Variants in ACTN1 observed in about 807,000 individuals in gnomAD.
ACTN1 encodes the protein alpha-actinin-1.
ACTN1 carries 30 observed loss-of-function variants against 119.6 expected under a neutral mutation model. That is an observed-to-expected ratio of 0.25 (90% CI 0.19 to 0.34). The LOEUF is 0.34. Ranked by LOEUF, ACTN1 falls within the 10% of genes least tolerant of loss-of-function variation. ACTN1 has a pLI of 1.00. For missense variants in ACTN1, 764 were observed against 1,223.4 expected, an observed-to-expected ratio of 0.62 and a Z score of 5.60; for synonymous variants, 429 against 472.6, an observed-to-expected ratio of 0.91 and a Z score of 1.20.
intron 1 of ACTN1, among the ~76,000 whole-genome samples, chr14:68,959,520 T>C (rs1035382842): frequency 2.6e-5 from 4 of 152,236 alleles, no homozygotes; most frequent in Admixed American, 1.3e-4. Flanking sequence ...TTCCAAGTTC[T>C]CTTTTTGCTT....
chr14:68,978,281 C>T (rs1248451309), intron 1 of ACTN1: 4 of 453,018 alleles, frequency 8.8e-6, no homozygotes, highest in African/African-American at 2.0e-5. Flanking sequence ...GCTTCCAACC[C>T]ACTGAGTTAA....
chr14:68,923,442 G>A (rs954986221), intron 2 of ACTN1, among the ~76,000 whole-genome samples: 4 of 152,106 alleles, frequency 2.6e-5, no homozygotes, highest in Non-Finnish European at 5.9e-5. Context: ...TTTGAAGAAT[G>A]ATAAATTGTA....
At position 68,902,470 on chromosome 14, in the gene ACTN1, C is replaced by G. The variant is rs762606594; in HGVS notation, c.762+7G>C. Reference sequence around the variant, plus strand: ...TGGGCATGGAAGGAGCAGGGGGCCCCGGGTACCTTCTGGGCTCCAGAGAAG... The same window carrying G: ...TGGGCATGGAAGGAGCAGGGGGCCCGGGGTACCTTCTGGGCTCCAGAGAAG... On this transcript the variant is annotated splice_region_variant and intron_variant, in intron 8 of 21. Transcript: ENST00000394419. 10 of 1,613,232 alleles carry G rather than the reference C, an allele frequency of 6.2e-6. No homozygotes were observed. The highest frequency in any genetic ancestry group is 8.5e-6 in the Non-Finnish European group (10 of 1,179,532).
intron 8 of ACTN1, among the ~76,000 whole-genome samples, chr14:68,896,454 G>A (rs1006138572): frequency 3.3e-5 from 5 of 152,172 alleles, no homozygotes; most frequent in African/African-American, 9.7e-5. Context: ...AGGAAAGGCC[G>A]CTGGGGGTGA....
intron 6 of ACTN1, among the ~76,000 whole-genome samples, chr14:68,907,193 C>T (rs150297415): frequency 0.055 from 7,690 of 139,616 alleles, 255 homozygotes; most frequent in African/African-American, 0.071. Flanking sequence ...ACCTGGGAGG[C>T]GGAGGTTGCA....
intron 1 of ACTN1, among the ~76,000 whole-genome samples, chr14:68,937,925 G>A (rs1448801549): frequency 6.6e-6 from 1 of 152,276 alleles, no homozygotes; most frequent in African/African-American, 2.4e-5. Context: ...GTCCTCTGCA[G>A]CATCCACTGA....
intron 1 of ACTN1, among the ~76,000 whole-genome samples, chr14:68,937,222 G>C (rs2035571150): frequency 6.6e-6 from 1 of 151,358 alleles, no homozygotes; most frequent in Non-Finnish European, 1.5e-5. Context: ...GATCAATAAA[G>C]TTAGTGGTTT....
chr14:68,966,665 TGAGGCCCCACAG>T (rs1310517658), intron 1 of ACTN1, among the ~76,000 whole-genome samples: 4 of 151,960 alleles, frequency 2.6e-5, no homozygotes, highest in Non-Finnish European at 5.9e-5. Context: ...AAAGCTTTGC[TGAGGCCCCACAG>T]TTATCTAGAT....
intron 1 of ACTN1, among the ~76,000 whole-genome samples, chr14:68,946,043 C>T (rs930273786): frequency 6.6e-6 from 1 of 152,186 alleles, no homozygotes; most frequent in Non-Finnish European, 1.5e-5. Flanking sequence ...CAGAATTCCA[C>T]CCGCGGTGGC....
intron 1 of ACTN1, among the ~76,000 whole-genome samples, chr14:68,966,139 C>T (rs55820678): frequency 4.3e-4 from 65 of 152,240 alleles, no homozygotes; most frequent in Admixed American, 9.8e-4. Flanking sequence ...CTCAATTGAG[C>T]CCAGGAGGTA....
At chr14:68,933,811 A>G (rs2035350866) in intron 1 of ACTN1, among the ~76,000 whole-genome samples, 1 of 151,952 alleles carries the variant, frequency 6.6e-6, no homozygotes, top group Non-Finnish European at 1.5e-5. Context: ...ATCTCTACAG[A>G]AAAAATCAAA....
At position 68,878,840 on chromosome 14, in the gene ACTN1, G is replaced by A. The variant is rs1322303790; in HGVS notation, c.2361+149C>T. 3 of 1,595,238 alleles carry A rather than the reference G, an allele frequency of 1.9e-6. No individual in the cohort carries two copies. Among genetic ancestry groups the A allele is most frequent in the Non-Finnish European group, 1.7e-6 (2 of 1,177,924 alleles). ...GAGGGCAGAGGGTGGACCAGTGATGGGGCAGACAGAGACAGCAGGAGAGGA... is the reference window on the plus strand; with the variant it reads ...GAGGGCAGAGGGTGGACCAGTGATGAGGCAGACAGAGACAGCAGGAGAGGA... On this transcript the variant is annotated intron_variant, in intron 19 of 21. Transcript: ENST00000394419. This position sits in a 1 kb window ranked among gnomAD's most constrained non-coding sequence, Gnocchi z 4.4.
chr14:68,943,154 C>T (rs1285781227), intron 1 of ACTN1, among the ~76,000 whole-genome samples: 5 of 152,134 alleles, frequency 3.3e-5, no homozygotes, highest in Non-Finnish European at 5.9e-5. Flanking sequence ...GTGTCAACAG[C>T]TCAGCAGGCT....
intron 8 of ACTN1, among the ~76,000 whole-genome samples, chr14:68,898,743 C>A (rs1250085610): frequency 6.6e-6 from 1 of 152,040 alleles, no homozygotes; most frequent in Non-Finnish European, 1.5e-5. Context: ...ACCACCACTA[C>A]CACCAACCCA....
chr14:68,902,358 C>G, intron 8 of ACTN1, 119 bp downstream of exon 8: 1 of 876,822 alleles, frequency 1.1e-6, no homozygotes, highest in South Asian at 1.4e-5. Context: ...TGCCTCTGTC[C>G]GAGAGACCAG....
chr14:68,916,248 C>G (rs746854163), intron 3 of ACTN1, among the ~76,000 whole-genome samples: 18 of 152,294 alleles, frequency 1.2e-4, no homozygotes, highest in Admixed American at 6.5e-4. Flanking sequence ...TGGTCCCCCA[C>G]ATGCTGCCCC....
chr14:68,890,301 G>C lies in ACTN1; in HGVS notation c.1087-15C>G. On this transcript the variant is annotated splice_polypyrimidine_tract_variant and intron_variant, in intron 10 of 21. Coordinates refer to ENST00000394419, the MANE Select transcript of ACTN1 (RefSeq NM_001130004.2). ...TTGTTGATGTCCTGTGGGGATGGGA[G>C]GTACAGGGTCAGGGTCTGGCTTGGG... 1 of 1,613,916 alleles carries C rather than the reference G, an allele frequency of 6.2e-7. No individual in the cohort carries two copies. The highest frequency in any genetic ancestry group is 8.5e-7 in the Non-Finnish European group (1 of 1,179,868).
chr14:68,882,349 C>T lies in ACTN1; in HGVS notation c.1953+109G>A, dbSNP rs2031619028. 6.7e-7 allele frequency: 1 copy of T among 1,482,674 alleles called. No individual in the cohort carries two copies. The highest frequency in any genetic ancestry group is 1.3e-5 in the South Asian group (1 of 77,178). 91.8% of individuals were successfully genotyped at this position (1,482,674 alleles called of 1,614,324 possible). ...AGCAGACCCACGGTGGGCTCCGGGCCTCAGTCCTCCATGGGTCCCACCCAG... is the reference window on the plus strand; with the variant it reads ...AGCAGACCCACGGTGGGCTCCGGGCTTCAGTCCTCCATGGGTCCCACCCAG... On this transcript the variant is annotated intron_variant, in intron 16 of 21. Coordinates refer to ENST00000394419, the MANE Select transcript of ACTN1 (RefSeq NM_001130004.2). The surrounding 1 kb of genome is among the most constrained non-coding windows in gnomAD (Gnocchi z 4.5).
chr14:68,874,248 G>A lies in ACTN1; in HGVS notation c.*611C>T, dbSNP rs1238830744. On this transcript the variant is annotated 3_prime_UTR_variant, in exon 22 of 22. Transcript: ENST00000394419. The stretch of plus-strand genomic sequence containing the variant: ...AATTTTTTAAGTGTGTGCTGATAAA[G>A]AGACTAGTCACACCTCTGAGGGGAT... 1 of 152,244 alleles carries A rather than the reference G, an allele frequency of 6.6e-6. No homozygotes were observed. The highest frequency in any genetic ancestry group is 1.5e-5 in the Non-Finnish European group (1 of 68,026). The allele number at this position is 152,244 out of a possible 1,614,324, so 9.4% of individuals were successfully genotyped here.
Sources: gnomAD v4.1 joint callset for allele counts (sites outside exome capture counted in the v4.1 genomes callset) on GRCh38, gnomAD v4.1.1 for gene constraint, Gnocchi (gnomAD v3.1) non-coding constraint, MANE v1.5 for transcripts, NCBI Gene and HGNC (gene_info 2026-07-23, HGNC 2026-07-21) for gene names.